Variants in EIF4G3 observed in about 807,000 individuals in gnomAD.
EIF4G3 encodes eIF-4-gamma 3.
EIF4G3 carries 34 observed loss-of-function variants against 186.4 expected under a neutral mutation model. That is an observed-to-expected ratio of 0.18 (90% CI 0.14 to 0.24). The LOEUF is 0.24. Among genes scored for constraint, EIF4G3 ranks in the 10% least tolerant of loss-of-function variants. EIF4G3 has a pLI of 1.00. For missense variants in EIF4G3, 1,536 were observed against 1,948.5 expected, an observed-to-expected ratio of 0.79 and a Z score of 3.99; for synonymous variants, 673 against 679.5, an observed-to-expected ratio of 0.99 and a Z score of 0.15.
chr1:20,808,563 C>T (rs1420913550), intron 36 of EIF4G3, among the ~76,000 whole-genome samples: 1 of 152,050 alleles, frequency 6.6e-6, no homozygotes, highest in African/African-American at 2.4e-5. Context: ...TGCCTGTAGT[C>T]TCAGCTACTA....
At chr1:20,955,824 G>T (rs551590065) in intron 12 of EIF4G3, among the ~76,000 whole-genome samples, 1 of 152,150 alleles carries the variant, frequency 6.6e-6, no homozygotes, top group South Asian at 2.1e-4. Flanking sequence ...TCTGAGAAAG[G>T]GAACACTGGA....
chr1:20,879,972 T>C (rs916884064), intron 19 of EIF4G3, among the ~76,000 whole-genome samples: 14 of 151,802 alleles, frequency 9.2e-5, no homozygotes, highest in African/African-American at 3.4e-4. Context: ...ATATAAATAA[T>C]GGTATGAAAC....
At chr1:20,975,440 T>C (rs937200850) in intron 10 of EIF4G3, among the ~76,000 whole-genome samples, 1 of 150,200 alleles carries the variant, frequency 6.7e-6, no homozygotes, top group Non-Finnish European at 1.5e-5. Context: ...GCCTACATGA[T>C]TGGGGAAGAG....
At chr1:21,026,316 G>A (rs1441941353) in intron 4 of EIF4G3, among the ~76,000 whole-genome samples, 1 of 152,158 alleles carries the variant, frequency 6.6e-6, no homozygotes, top group Middle Eastern at 3.2e-3. Context: ...TCAACAAATG[G>A]TTCTGGGAGA....
chr1:21,169,372 C>T (rs1288313251), intron 2 of EIF4G3, among the ~76,000 whole-genome samples: 10 of 151,922 alleles, frequency 6.6e-5, no homozygotes, highest in East Asian at 1.9e-4. Context: ...TGTTTGAACC[C>T]GGGAGGCAGA....
intron 25 of EIF4G3, among the ~76,000 whole-genome samples, chr1:20,856,819 T>TTA (rs1160631292): frequency 6.6e-6 from 1 of 152,188 alleles, no homozygotes; most frequent in Admixed American, 6.5e-5. Context: ...ATTAAGCATC[T>TTA]TATGTCTAAG....
rs192826123 is a variant in EIF4G3, at chr1:20,905,827, G to C, written c.1664-856C>G. Among the ~76,000 whole-genome samples the C allele has an allele frequency of 6.6e-5, 10 of 152,234 alleles. No homozygotes were observed. The East Asian group carries it at 1.7e-3, about 26-fold the overall frequency. On this transcript the variant is annotated intron_variant, in intron 14 of 36. Transcript: ENST00000602326. ...GAACAAGGAGAAGAGTTAAAGAAAGGCCACTTAATAGGGAACATTACCAAA... is the reference window on the plus strand; with the variant it reads ...GAACAAGGAGAAGAGTTAAAGAAAGCCCACTTAATAGGGAACATTACCAAA...
chr1:20,889,067 C>T (rs1341733818), intron 18 of EIF4G3, among the ~76,000 whole-genome samples: 1 of 152,114 alleles, frequency 6.6e-6, no homozygotes, highest in Admixed American at 6.5e-5. Context: ...GATTAGTGAG[C>T]CATTTTCTTT....
chr1:20,807,759 T>G (rs969856696), intron 36 of EIF4G3, among the ~76,000 whole-genome samples: 3 of 128,880 alleles, frequency 2.3e-5, no homozygotes, highest in East Asian at 2.1e-4. Context: ...TTTTCTGTTT[T>G]TTTTTTTTTT....
intron 2 of EIF4G3, chr1:21,162,010 T>C (rs949999762): frequency 3.3e-5 from 5 of 152,570 alleles, no homozygotes; most frequent in African/African-American, 9.7e-5. Flanking sequence ...TTCCAGAATA[T>C]AGAGGTGCCA....
chr1:20,984,253 C>A (rs1232902748), intron 7 of EIF4G3, among the ~76,000 whole-genome samples: 1 of 151,754 alleles, frequency 6.6e-6, no homozygotes, highest in Non-Finnish European at 1.5e-5. Flanking sequence ...GCAACCTCCA[C>A]TTCCTGGGTT....
chr1:21,045,578 C>T (rs2093834113), intron 4 of EIF4G3, among the ~76,000 whole-genome samples: 1 of 152,122 alleles, frequency 6.6e-6, no homozygotes, highest in Non-Finnish European at 1.5e-5. Context: ...GTGAATATAG[C>T]TCCAAAAGCC....
At chr1:20,948,881 T>C (rs1056508347) in intron 13 of EIF4G3, among the ~76,000 whole-genome samples, 14 of 146,790 alleles carry the variant, frequency 9.5e-5, no homozygotes, top group Admixed American at 9.1e-4. Flanking sequence ...TGGTGGTGCA[T>C]GCCTGTAATC....
At chr1:20,832,911 A>T (rs1335468180) in intron 30 of EIF4G3, among the ~76,000 whole-genome samples, 2 of 63,836 alleles carry the variant, frequency 3.1e-5, no homozygotes, top group Non-Finnish European at 6.4e-5. Context: ...GTCAAAGATC[A>T]GATAGTTGTA....
intron 4 of EIF4G3, among the ~76,000 whole-genome samples, chr1:21,042,869 T>C (rs1490418126): frequency 6.6e-6 from 1 of 152,224 alleles, no homozygotes; most frequent in Non-Finnish European, 1.5e-5. Flanking sequence ...ACTTACCTGT[T>C]CTGTTTCTCA....
chr1:20,943,029 G>C (rs2095784698), intron 13 of EIF4G3, among the ~76,000 whole-genome samples: 1 of 152,158 alleles, frequency 6.6e-6, no homozygotes, highest in Non-Finnish European at 1.5e-5. Flanking sequence ...TGGGCTTGGT[G>C]GCACATGCCT....
chr1:21,035,892 C>T lies in EIF4G3; in HGVS notation c.-67+14974G>A, dbSNP rs578190750. The stretch of plus-strand genomic sequence containing the variant: ...CTTTTCTGGGCTGCCCACGGACCAA[C>T]TGGCATGCACCACCTCCCCTGTAAG... On this transcript the variant is annotated intron_variant, in intron 4 of 36. Coordinates refer to ENST00000602326, the MANE Select transcript of EIF4G3 (RefSeq NM_001391906.1). 9.4e-4 allele frequency among the ~76,000 whole-genome samples: 143 copies of T among 152,336 alleles called. 2 individuals carry two copies. The highest frequency in any genetic ancestry group is 7.2e-3 in the South Asian group (35 of 4,832).
At chr1:20,867,186 CATCT>C (rs984282869) in intron 20 of EIF4G3, among the ~76,000 whole-genome samples, 3 of 152,172 alleles carry the variant, frequency 2.0e-5, no homozygotes, top group African/African-American at 7.2e-5. Context: ...CCTCTATGTC[CATCT>C]GAGAGGGCAG....
At chr1:21,013,968 G>A (rs746906508) in intron 4 of EIF4G3, among the ~76,000 whole-genome samples, 10 of 152,132 alleles carry the variant, frequency 6.6e-5, no homozygotes, top group East Asian at 1.9e-4. Context: ...TCAGGAGTTC[G>A]AGACCAGCCT....
Sources: allele counts gnomAD v4.1 joint callset (sites outside exome capture counted in the v4.1 genomes callset), GRCh38; gene constraint gnomAD v4.1.1; transcripts MANE v1.5; gene names NCBI Gene and HGNC (gene_info 2026-07-23, HGNC 2026-07-21).